RGS6: variants seen among roughly 807,000 people sequenced by gnomAD.
RGS6 encodes the protein regulator of G protein signaling 6.
In RGS6, 30 loss-of-function variants were observed where a neutral mutation model predicts 78.5. That is an observed-to-expected ratio of 0.38 (90% CI 0.29 to 0.52). RGS6 has a LOEUF of 0.52. Ranked by LOEUF, RGS6 falls within the 20% of genes least tolerant of loss-of-function variation. The pLI is 0.85. For synonymous variants in RGS6, 206 were observed against 206.0 expected, an observed-to-expected ratio of 1.00 and a Z score of 0.00; for missense variants, 495 against 609.7, an observed-to-expected ratio of 0.81 and a Z score of 1.98.
Position 72,059,684 on chromosome 14 carries a change from C to T in RGS6, c.84+94809C>T, listed in dbSNP as rs566957896. Among the ~76,000 whole-genome samples, 182 of 152,148 alleles carry T rather than the reference C, an allele frequency of 1.2e-3. 3 individuals are homozygous for T. The highest frequency in any genetic ancestry group is 4.1e-3 in the African/African-American group (169 of 41,500). On this transcript the variant is annotated intron_variant, in intron 2 of 17. Transcript: ENST00000553525. ...AGTGTGATGGTATTTGGAGATGAGGCATTTGGGAGGTGGGTAAGGTTAGAT... is the reference window on the plus strand; with the variant it reads ...AGTGTGATGGTATTTGGAGATGAGGTATTTGGGAGGTGGGTAAGGTTAGAT...
chr14:71,975,831 A>T (rs182503168), intron 2 of RGS6, among the ~76,000 whole-genome samples: 1 of 152,078 alleles, frequency 6.6e-6, no homozygotes, highest in East Asian at 1.9e-4. Flanking sequence ...TCTTCTTGGG[A>T]TTGTGTTCAT....
At chr14:72,380,158 C>G (rs8019126) in intron 3 of RGS6, among the ~76,000 whole-genome samples, 9,715 of 152,086 alleles carry the variant, frequency 0.064, 499 homozygotes, top group East Asian at 0.3. Context: ...TCATCCTATA[C>G]TAAAGCCAAC....
At chr14:72,472,079 G>A (rs546513274) in intron 8 of RGS6, among the ~76,000 whole-genome samples, 3 of 151,384 alleles carry the variant, frequency 2.0e-5, no homozygotes, top group South Asian at 2.1e-4. Context: ...AAAGTAAAGC[G>A]TTCCCGAGAG....
intron 2 of RGS6, among the ~76,000 whole-genome samples, chr14:72,085,329 C>G (rs1307278783): frequency 6.6e-6 from 1 of 152,054 alleles, no homozygotes; most frequent in African/African-American, 2.4e-5. Flanking sequence ...AAATTGTGGT[C>G]CAGCGAGGTT....
chr14:72,547,378 C>T, intron 17 of RGS6: 1 of 1,398,470 alleles, frequency 7.2e-7, no homozygotes, highest in Non-Finnish European at 9.5e-7. Context: ...GTAAGACCCC[C>T]CCCCGACCCA....
At chr14:72,318,919 T>C (rs1595742108) in intron 2 of RGS6, among the ~76,000 whole-genome samples, 1 of 152,194 alleles carries the variant, frequency 6.6e-6, no homozygotes, top group Non-Finnish European at 1.5e-5. Flanking sequence ...GTGGCTAAAA[T>C]AACTCATCAG....
chr14:72,487,396 C>T (rs1237833200), intron 12 of RGS6, among the ~76,000 whole-genome samples: 1 of 152,182 alleles, frequency 6.6e-6, no homozygotes, highest in Non-Finnish European at 1.5e-5. Context: ...TCAAAGATGT[C>T]CATGTTCTAA....
Position 72,138,860 on chromosome 14 carries a change from T to C in RGS6, c.84+173985T>C, listed in dbSNP as rs900601710. On this transcript the variant is annotated intron_variant, in intron 2 of 17. Transcript: ENST00000553525. ...AGATGGGACTGTCTACAGATGGGACTGTCTAGTTGCAGAAAAACAAGCTCA... is the reference window on the plus strand; with the variant it reads ...AGATGGGACTGTCTACAGATGGGACCGTCTAGTTGCAGAAAAACAAGCTCA... Among the ~76,000 whole-genome samples, 5 of 152,168 alleles carry C rather than the reference T, an allele frequency of 3.3e-5. No individual in the cohort carries two copies. The East Asian group carries it at 9.7e-4, about 29-fold the overall frequency.
Position 72,420,552 on chromosome 14 carries a change from A to G in RGS6, c.185-33976A>G, listed in dbSNP as rs533407816. Among the ~76,000 whole-genome samples the G allele has an allele frequency of 1.1e-3, 169 of 152,212 alleles. 1 individual carries two copies. The highest frequency in any genetic ancestry group is 3.9e-3 in the African/African-American group (161 of 41,524). ...CTGCCCCCACCCCCATCCTTTAATAAACGTAAAACTTTTCTTTCCTGTGAA... is the reference window on the plus strand; with the variant it reads ...CTGCCCCCACCCCCATCCTTTAATAGACGTAAAACTTTTCTTTCCTGTGAA... On this transcript the variant is annotated intron_variant, in intron 3 of 17. Coordinates refer to ENST00000553525, the MANE Select transcript of RGS6 (RefSeq NM_001204424.2).
chr14:72,159,927 T>G (rs997052969), intron 2 of RGS6, among the ~76,000 whole-genome samples: 2 of 152,222 alleles, frequency 1.3e-5, no homozygotes, highest in Non-Finnish European at 2.9e-5. Context: ...GTTGACCAGT[T>G]TTTATAATTT....
intron 2 of RGS6, among the ~76,000 whole-genome samples, chr14:72,164,851 A>G (rs2096902941): frequency 6.6e-6 from 1 of 152,244 alleles, no homozygotes; most frequent in Non-Finnish European, 1.5e-5. Flanking sequence ...AACAAATGGT[A>G]AAACATTTAG....
At chr14:71,986,537 T>C (rs1399402023) in intron 2 of RGS6, among the ~76,000 whole-genome samples, 1 of 151,262 alleles carries the variant, frequency 6.6e-6, no homozygotes, top group Admixed American at 6.6e-5. Flanking sequence ...CCCATCTCTA[T>C]TTAAAAAAAA....
the RGS6 span, among the ~76,000 whole-genome samples, chr14:72,583,621 C>A: frequency 6.6e-6 from 1 of 152,226 alleles, no homozygotes; most frequent in African/African-American, 2.4e-5. Context: ...GATTAAATCA[C>A]AACCAAGTCA....
the RGS6 span, among the ~76,000 whole-genome samples, chr14:72,597,134 G>A: frequency 2.0e-5 from 3 of 152,052 alleles, no homozygotes; most frequent in Non-Finnish European, 4.4e-5. Context: ...AGGTACTCAG[G>A]AGGCTGAGGC....
At chr14:71,957,179 T>C (rs1412158386) in intron 1 of RGS6, among the ~76,000 whole-genome samples, 1 of 152,024 alleles carries the variant, frequency 6.6e-6, no homozygotes, top group African/African-American at 2.4e-5. Flanking sequence ...CTGAAAGTGG[T>C]GAAGGTGTTA....
rs935464838 is a variant in RGS6, at chr14:72,193,945, G to A, written c.85-158150G>A. 7.2e-5 allele frequency among the ~76,000 whole-genome samples: 11 copies of A among 152,284 alleles called. 1 individual carries two copies. The East Asian group carries it at 1.9e-3, about 27-fold the overall frequency. ...CTCATATCTGTTCTGGAAGGACACT[G>A]GAGAAATGTGTGTGAAGAGGAACAT... On this transcript the variant is annotated intron_variant, in intron 2 of 17. Transcript: ENST00000553525.
intron 3 of RGS6, among the ~76,000 whole-genome samples, chr14:72,367,802 T>G (rs917349744): frequency 6.6e-6 from 1 of 152,224 alleles, no homozygotes; most frequent in Non-Finnish European, 1.5e-5. Flanking sequence ...CCTGGGTTGG[T>G]CACTGTGTGA....
chr14:72,371,816 G>A (rs1030609336), intron 3 of RGS6, among the ~76,000 whole-genome samples: 4 of 152,204 alleles, frequency 2.6e-5, no homozygotes, highest in African/African-American at 9.7e-5. Context: ...AATTTGAGAA[G>A]AGAATGAAAT....
chr14:72,577,627 G>A, the RGS6 span, among the ~76,000 whole-genome samples: 2 of 152,204 alleles, frequency 1.3e-5, no homozygotes, highest in African/African-American at 4.8e-5. Context: ...TAATGAAAAT[G>A]CCCCTAGTGC....
Sources: gnomAD v4.1 joint callset for allele counts (sites outside exome capture counted in the v4.1 genomes callset) on GRCh38, gnomAD v4.1.1 for gene constraint, MANE v1.5 for transcripts, NCBI Gene and HGNC (gene_info 2026-07-23, HGNC 2026-07-21) for gene names.